The following SP100 variants were observed in gnomAD, a reference collection of about 807,000 sequenced individuals.
SP100 encodes the protein SP100 nuclear body protein.
SP100 carries 84 observed loss-of-function variants against 130.0 expected under a neutral mutation model. The ratio of observed to expected loss-of-function variants is 0.65; its 90% CI spans 0.54 to 0.77. The LOEUF (loss-of-function observed/expected upper bound fraction) is 0.77. Ranked by LOEUF, SP100 falls within the 30% of genes least tolerant of loss-of-function variation. The probability of loss-of-function intolerance (pLI) is 0.00; values close to 1 mark genes in which losing one functional copy is unlikely to be tolerated. For synonymous variants in SP100, 331 were observed against 351.7 expected (o/e 0.94, Z 0.66); for missense variants, 978 against 1,052.2 (o/e 0.93, Z 0.97).
At chr2:230,440,633 G>A in intron 2 of SP100, 1 of 1,291,498 alleles carries the variant, frequency 7.7e-7, no homozygotes, top group Non-Finnish European at 1.0e-6. Flanking sequence ...AAATTTATCT[G>A]TAGCTTCAAT....
At chr2:230,525,389 C>G (rs978721752) in intron 24 of SP100, among the ~76,000 whole-genome samples, 1 of 152,122 alleles carries the variant, frequency 6.6e-6, no homozygotes. Context: ...AGCTCTTAGT[C>G]TTGATGAAGG....
At chr2:230,435,393 T>C (rs1339452275) in intron 2 of SP100, among the ~76,000 whole-genome samples, 1 of 152,202 alleles carries the variant, frequency 6.6e-6, no homozygotes, top group Non-Finnish European at 1.5e-5. Context: ...TTGTCATATA[T>C]ATTGAAAATG....
Position 230,535,502 on chromosome 2 carries a change from T to C in SP100, c.2095-3765T>C, listed in dbSNP as rs140989757. 9.0e-4 allele frequency among the ~76,000 whole-genome samples: 137 copies of C among 152,324 alleles called. 1 individual carries two copies. The highest frequency in any genetic ancestry group is 4.0e-3 in the East Asian group (21 of 5,192). The stretch of plus-strand genomic sequence containing the variant: ...ACAATTGAGAGGAGCATTACTCTTG[T>C]AAACTAAGTTTGAGGCATATTTCTC... On this transcript the variant is annotated intron_variant, in intron 24 of 28. Coordinates refer to ENST00000340126, the MANE Select transcript of SP100 (RefSeq NM_001080391.2).
At position 230,443,002 on chromosome 2, in the gene SP100, A is replaced by C. The variant is rs371334325; in HGVS notation, c.173A>C (p.Lys58Thr). The C allele has an allele frequency of 5.6e-6, 9 of 1,614,078 alleles. No homozygotes were observed. Among genetic ancestry groups the C allele is most frequent in the Non-Finnish European group, 7.6e-6 (9 of 1,179,908 alleles). The change falls in exon 3 of 29, where the codon AAA becomes ACA. Residue 58 changes from lysine (K) to threonine (T), a missense_variant. By Grantham distance (78) the Lys-to-Thr change is moderately conservative. Transcript: ENST00000340126. The part of the protein sequence containing the change: ...LLYDIVFKHF[K>T]RNKVEISNAI... ...TATGACATTGTATTCAAGCACTTCA[A>C]AAGAAATAAGGTGGAGATTTCAAAT...
intron 18 of SP100, among the ~76,000 whole-genome samples, chr2:230,496,168 A>C (rs577380689): frequency 5.9e-4 from 90 of 152,268 alleles, no homozygotes; most frequent in African/African-American, 2.1e-3. Context: ...CTATTTTATT[A>C]AAATACTTGG....
rs765502801 is a variant in SP100, at chr2:230,474,384, C to T, written c.1547-10C>T. On this transcript the variant is annotated splice_polypyrimidine_tract_variant and intron_variant, in intron 16 of 28. Transcript: ENST00000340126. ...TTACAGTTCTCTGACCACTACCTGT[C>T]ACTTTCTAGATACCATGGATGTTGA... 6.7e-6 allele frequency: 10 copies of T among 1,492,930 alleles called. No individual in the cohort carries two copies. In the African/African-American group the frequency reaches 1.4e-4, roughly 21 times the overall value. 92.5% of individuals were successfully genotyped at this position (1,492,930 alleles called of 1,614,324 possible).
chr2:230,542,064 C>T, intron 28 of SP100, 29 bp downstream of exon 28: 1 of 1,609,924 alleles, frequency 6.2e-7, no homozygotes, highest in Non-Finnish European at 8.5e-7. Flanking sequence ...TTCCTTTTCT[C>T]TTTCAATTAC....
intron 24 of SP100, among the ~76,000 whole-genome samples, chr2:230,521,317 T>C (rs1029111140): frequency 6.6e-6 from 1 of 152,160 alleles, no homozygotes; most frequent in Non-Finnish European, 1.5e-5. Flanking sequence ...AGGCCGTTTC[T>C]CAGGAAACCA....
At chr2:230,421,553 CTATA>C (rs3997231) in intron 2 of SP100, among the ~76,000 whole-genome samples, 8 of 147,856 alleles carry the variant, frequency 5.4e-5, no homozygotes, top group Admixed American at 1.3e-4. Context: ...TTGAGAGACA[CTATA>C]TATATATATA....
chr2:230,444,194 G>A lies in SP100; in HGVS notation c.287G>A (p.Cys96Tyr). The change falls in exon 4 of 29, where the codon TGT becomes TAT. Residue 96 changes from cysteine to tyrosine, a missense_variant. By Grantham distance (194) the Cys-to-Tyr change is radical. Coordinates refer to ENST00000340126, the MANE Select transcript of SP100 (RefSeq NM_001080391.2). ...NKMFEDSQDS[C>Y]RNLVPVQRVV... is the part of the protein sequence containing the mutation. ...TTTTTTAAGGATTCTCAAGATTCTT[G>A]TAGAAACCTGGTCCCTGTACAGAGA... 2 of 1,575,938 alleles carry A rather than the reference G, an allele frequency of 1.3e-6. No individual in the cohort carries two copies. Among genetic ancestry groups the A allele is most frequent in the Non-Finnish European group, 1.7e-6 (2 of 1,166,252 alleles).
intron 24 of SP100, among the ~76,000 whole-genome samples, chr2:230,523,574 G>A (rs1286375401): frequency 1.3e-5 from 2 of 152,098 alleles, no homozygotes; most frequent in Non-Finnish European, 2.9e-5. Flanking sequence ...AAGTTCATAT[G>A]ACTTAAGAAC....
intron 18 of SP100, among the ~76,000 whole-genome samples, chr2:230,495,347 G>A (rs566418713): frequency 6.6e-6 from 1 of 152,222 alleles, no homozygotes; most frequent in South Asian, 2.1e-4. Flanking sequence ...TTTTGAGATG[G>A]AGTCTGGCTC....
intron 8 of SP100, 129 bp from the exon 9 acceptor site, chr2:230,461,133 A>C: frequency 1.2e-6 from 1 of 834,202 alleles, no homozygotes; most frequent in South Asian, 1.8e-5. Context: ...AGTTGAGCAA[A>C]AGGAAAAACA....
At chr2:230,516,561 T>C (rs1423500963) in intron 24 of SP100, 2 of 152,214 alleles carry the variant, frequency 1.3e-5, no homozygotes, top group African/African-American at 4.8e-5. Flanking sequence ...TTGCTGGTGT[T>C]GGGTTAGCAA....
rs202157716 is a variant in SP100 at position 230,504,212 on chromosome 2, A to G, written c.1792A>G (p.Ile598Val). 1 of 1,612,080 alleles carries G rather than the reference A, an allele frequency of 6.2e-7. No individual in the cohort carries two copies. The highest frequency in any genetic ancestry group is 8.5e-7 in the Non-Finnish European group (1 of 1,178,458). The stretch of plus-strand genomic sequence containing the variant: ...TCCAAGAATTCCCAAAGATGAAAAT[A>G]TTAATTTTAAACAATCTGAACTTCC... ...RGPRIPKDEN[I>V]NFKQSELPVT... Residue 598 changes from isoleucine to valine, a missense_variant, in exon 21 of 29, where the codon ATT (isoleucine) becomes GTT (valine). Coordinates refer to ENST00000340126, the MANE Select transcript of SP100 (RefSeq NM_001080391.2).
chr2:230,506,937 T>G (rs1346795985), intron 22 of SP100, among the ~76,000 whole-genome samples: 3 of 152,170 alleles, frequency 2.0e-5, no homozygotes, highest in African/African-American at 7.2e-5. Context: ...AATTGCATTT[T>G]AAAGTAACAT....
intron 11 of SP100, 86 bp downstream of exon 11, chr2:230,464,236 G>A: frequency 1.2e-6 from 1 of 837,496 alleles, no homozygotes. Context: ...ATTTCATTCT[G>A]AGTGGTCTCC....
chr2:230,450,277 T>C (rs751944103), intron 8 of SP100, 22 bp downstream of exon 8: 10 of 1,576,994 alleles, frequency 6.3e-6, no homozygotes, highest in Non-Finnish European at 8.7e-6. Flanking sequence ...TTACCTTGCC[T>C]ATTTTCTTTC....
At chr2:230,465,418 G>A (rs900151356) in intron 11 of SP100, among the ~76,000 whole-genome samples, 4 of 152,064 alleles carry the variant, frequency 2.6e-5, no homozygotes, top group Non-Finnish European at 5.9e-5. Context: ...AAGTAAAAAA[G>A]AACGAGATCA....
Sources: gnomAD v4.1 joint callset for allele counts (sites outside exome capture counted in the v4.1 genomes callset) on GRCh38, gnomAD v4.1.1 for gene constraint, MANE v1.5 for transcripts, NCBI Gene and HGNC (gene_info 2026-07-23, HGNC 2026-07-21) for gene names.